The following COL11A1 variants were observed in gnomAD, a reference collection of about 807,000 sequenced individuals.
The protein encoded by COL11A1 is collagen type XI alpha 1 chain, also known as collagen alpha-1(XI) chain.
A neutral mutation model predicts 265.2 loss-of-function variants in COL11A1; 74 were observed. The observed-to-expected ratio is 0.28, with a 90% CI of 0.23 to 0.34. The LOEUF (loss-of-function observed/expected upper bound fraction) is 0.34, where lower values mean the gene tolerates loss of function less well. COL11A1 is among the 10% of genes least tolerant of loss of function. COL11A1 has a pLI of 1.00. For synonymous variants in COL11A1, 816 were observed against 727.6 expected, an observed-to-expected ratio of 1.12 and a Z score of -1.96; for missense variants, 2,165 against 2,263.6, an observed-to-expected ratio of 0.96 and a Z score of 0.88.
At chr1:103,057,045 C>T (rs939698152) in intron 4 of COL11A1, among the ~76,000 whole-genome samples, 13 of 152,098 alleles carry the variant, frequency 8.5e-5, no homozygotes, top group African/African-American at 2.9e-4. Flanking sequence ...AAGTTTGCCA[C>T]ATCAATTGAC....
At chr1:102,917,918 C>T (rs1476031048) in intron 49 of COL11A1, among the ~76,000 whole-genome samples, 1 of 151,216 alleles carries the variant, frequency 6.6e-6, no homozygotes. Context: ...TGAAAACTAC[C>T]ATTTAGTATG....
intron 46 of COL11A1, among the ~76,000 whole-genome samples, chr1:102,931,665 G>A (rs867106893): frequency 3.3e-5 from 5 of 151,784 alleles, no homozygotes; most frequent in East Asian, 1.9e-4. Context: ...TTTCTGTCTC[G>A]TTGATCTGTC....
intron 4 of COL11A1, among the ~76,000 whole-genome samples, chr1:103,044,423 T>C (rs998878362): frequency 1.3e-5 from 2 of 152,098 alleles, no homozygotes; most frequent in Admixed American, 6.6e-5. Flanking sequence ...AAATTAGCAG[T>C]GTCTTATATT....
intron 28 of COL11A1, 102 bp downstream of exon 28, chr1:102,995,762 T>C: frequency 2.1e-6 from 2 of 935,386 alleles, no homozygotes; most frequent in East Asian, 5.0e-5. Context: ...GCGTAGTATG[T>C]AGTAATCACT....
intron 65 of COL11A1, among the ~76,000 whole-genome samples, chr1:102,880,198 A>C (rs1650053952): frequency 6.6e-6 from 1 of 152,154 alleles, no homozygotes; most frequent in Non-Finnish European, 1.5e-5. Context: ...CACTATAAAA[A>C]ATGCTTTAGT....
At chr1:103,004,309 C>T (rs181556747) in intron 20 of COL11A1, 135 bp downstream of exon 20, 29 of 660,260 alleles carry the variant, frequency 4.4e-5, no homozygotes, top group African/African-American at 9.1e-5. Flanking sequence ...ATTTTTTTCG[C>T]ATGGCAATTA....
intron 53 of COL11A1, among the ~76,000 whole-genome samples, chr1:102,913,049 A>G (rs1162167567): frequency 6.6e-6 from 1 of 152,198 alleles, no homozygotes; most frequent in African/African-American, 2.4e-5. Flanking sequence ...TCTATGCAGA[A>G]TAAGCCTGTA....
intron 4 of COL11A1, among the ~76,000 whole-genome samples, chr1:103,072,843 AC>A (rs1231324227): frequency 2.0e-5 from 3 of 151,732 alleles, no homozygotes; most frequent in Non-Finnish European, 4.4e-5. Flanking sequence ...TTAGATAAAT[AC>A]TAAATTTCAT....
intron 58 of COL11A1, among the ~76,000 whole-genome samples, chr1:102,890,099 T>C (rs1651557360): frequency 1.3e-5 from 2 of 152,314 alleles, no homozygotes; most frequent in South Asian, 4.1e-4. Flanking sequence ...TTGAAAGATA[T>C]TTCTAGTTTA....
chr1:103,055,319 G>C (rs1670159429), intron 4 of COL11A1, among the ~76,000 whole-genome samples: 1 of 151,900 alleles, frequency 6.6e-6, no homozygotes, highest in Non-Finnish European at 1.5e-5. Context: ...TATCATCTGT[G>C]CCTACTCACA....
chr1:103,025,706 G>T, intron 6 of COL11A1, 93 bp from the exon 7 acceptor site: 1 of 1,557,630 alleles, frequency 6.4e-7, no homozygotes, highest in Non-Finnish European at 8.8e-7. Context: ...TATTAGCCAA[G>T]TGAGTATTTA....
At position 102,946,955 on chromosome 1, in the gene COL11A1, C is replaced by G. The variant is rs1419574444; in HGVS notation, c.3170G>C (p.Gly1057Ala). 1.9e-6 allele frequency: 3 copies of G among 1,610,098 alleles called. No homozygotes were observed. The highest frequency in any genetic ancestry group is 2.5e-6 in the Non-Finnish European group (3 of 1,177,928). ...TGCTGACCCACGTTCTCCTGGTGAG[C>G]CCTAGTATACAGGAAAAGAAGTATT... ...EGPQGPPGPV[G>A]SPGERGSAGT... The change falls in exon 42 of 67, where the codon GGC becomes GCC. Residue 1057 changes from glycine to alanine, a missense_variant and splice_region_variant. Physicochemically the swap from Gly to Ala is moderately conservative, Grantham distance 60 (BLOSUM62 0). Transcript: ENST00000370096.
intron 29 of COL11A1, among the ~76,000 whole-genome samples, chr1:102,988,079 T>C (rs1282298776): frequency 6.6e-6 from 1 of 152,158 alleles, no homozygotes; most frequent in African/African-American, 2.4e-5. Context: ...ACAATGTTTA[T>C]AACTTCCCCA....
chr1:102,883,638 T>G lies in COL11A1; in HGVS notation c.4859-327A>C, dbSNP rs540298569. 1.1e-4 allele frequency among the ~76,000 whole-genome samples: 16 copies of G among 152,290 alleles called. 1 individual carries two copies. The South Asian group carries it at 3.3e-3, about 32-fold the overall frequency. ...ATTTATCCCTGTGTAATAAATTGCA[T>G]GCATATTGAAATAAGATATACTTGA... On this transcript the variant is annotated intron_variant, in intron 63 of 66. Coordinates refer to ENST00000370096, the MANE Select transcript of COL11A1 (RefSeq NM_001854.4).
Position 102,904,365 on chromosome 1 carries a change from T to C in COL11A1, c.4087-5371A>G, listed in dbSNP as rs369234922. On this transcript the variant is annotated intron_variant, in intron 54 of 66. Transcript: ENST00000370096. ...AAAGCAATGGCAACAAAAGCCAAAA[T>C]TGACAAATGGGATCTAATTAAACTA... 1.9e-4 allele frequency among the ~76,000 whole-genome samples: 29 copies of C among 152,142 alleles called. 4 individuals are homozygous for C. The highest frequency in any genetic ancestry group is 1.5e-3 in the Admixed American group (23 of 15,276).
At chr1:102,996,082 G>A (rs1664598498) in intron 26 of COL11A1, 40 bp from the exon 27 acceptor site, 1 of 1,587,458 alleles carries the variant, frequency 6.3e-7, no homozygotes, top group Non-Finnish European at 8.6e-7. Context: ...GTAATAAATT[G>A]AAAGTGCTAC....
At chr1:103,018,604 C>A (rs1666751668) in intron 10 of COL11A1, among the ~76,000 whole-genome samples, 1 of 152,136 alleles carries the variant, frequency 6.6e-6, no homozygotes, top group Non-Finnish European at 1.5e-5. Flanking sequence ...GCAGAGGTAT[C>A]TAAGCCACAA....
intron 28 of COL11A1, 34 bp downstream of exon 28, chr1:102,995,830 A>G: frequency 6.5e-7 from 1 of 1,542,394 alleles, no homozygotes; most frequent in Non-Finnish European, 9.0e-7. Context: ...CATAATACAC[A>G]GAAATTAATA....
At chr1:102,948,697 T>C (rs1244034749) in intron 41 of COL11A1, among the ~76,000 whole-genome samples, 4 of 151,790 alleles carry the variant, frequency 2.6e-5, no homozygotes, top group Non-Finnish European at 5.9e-5. Context: ...TAAGAGAAAA[T>C]TGCAGTTAGT....
Sources: allele counts gnomAD v4.1 joint callset (sites outside exome capture counted in the v4.1 genomes callset), GRCh38; gene constraint gnomAD v4.1.1; transcripts MANE v1.5; gene names NCBI Gene and HGNC (gene_info 2026-07-23, HGNC 2026-07-21).